PBX3: variants seen among roughly 807,000 people sequenced by gnomAD.
PBX3 encodes PBX homeobox 3, also known as pre-B-cell leukemia transcription factor 3.
A neutral mutation model predicts 48.5 loss-of-function variants in PBX3; 14 were observed. The ratio of observed to expected loss-of-function variants is 0.29; its 90% confidence interval spans 0.19 to 0.45. The LOEUF (loss-of-function observed/expected upper bound fraction) is 0.45, where lower values mean the gene tolerates loss of function less well. Ranked by LOEUF, PBX3 falls within the 20% of genes least tolerant of loss-of-function variation. The probability of loss-of-function intolerance (pLI) is 1.00; values close to 1 mark genes in which losing one functional copy is unlikely to be tolerated. For synonymous variants in PBX3, 210 were observed against 200.3 expected, an observed-to-expected ratio of 1.05 and a Z score of -0.41; for missense variants, 386 against 546.7, an observed-to-expected ratio of 0.71 and a Z score of 2.93.
At chr9:125,956,800 C>T (rs1213049682) in intron 5 of PBX3, among the ~76,000 whole-genome samples, 1 of 152,210 alleles carries the variant, frequency 6.6e-6, no homozygotes, top group Non-Finnish European at 1.5e-5. Context: ...TTTCCCTTCA[C>T]CAGTTTCCTG....
At chr9:125,851,124 T>C (rs769552419) in intron 2 of PBX3, among the ~76,000 whole-genome samples, 13 of 152,096 alleles carry the variant, frequency 8.5e-5, no homozygotes, top group Non-Finnish European at 2.9e-5. Flanking sequence ...CTATTAGATA[T>C]ATTTTTCAGC....
intron 2 of PBX3, among the ~76,000 whole-genome samples, chr9:125,882,054 TA>T (rs968174493): frequency 1.3e-5 from 2 of 151,358 alleles, no homozygotes; most frequent in African/African-American, 4.8e-5. Context: ...AATAAATAAA[TA>T]ATAAAATAAA....
chr9:125,903,058 G>A (rs1451260453), intron 2 of PBX3, among the ~76,000 whole-genome samples: 3 of 151,774 alleles, frequency 2.0e-5, no homozygotes, highest in South Asian at 2.1e-4. Flanking sequence ...AATAACTTCC[G>A]CTTTGTTTAC....
At chr9:125,796,121 G>A (rs1291718336) in intron 2 of PBX3, among the ~76,000 whole-genome samples, 5 of 152,148 alleles carry the variant, frequency 3.3e-5, no homozygotes, top group African/African-American at 1.2e-4. Context: ...AATATGGTTA[G>A]TGTGGGAATA....
At chr9:125,896,401 C>G (rs940111543) in intron 2 of PBX3, among the ~76,000 whole-genome samples, 1 of 152,052 alleles carries the variant, frequency 6.6e-6, no homozygotes, top group Admixed American at 6.6e-5. Flanking sequence ...TACCAGGCAT[C>G]CTTACAGTGG....
rs1055304822 is a variant in PBX3 at position 125,899,933 on chromosome 9, A to C, written c.275-15753A>C. ...AGAGCCCCCCAAAAGTATTTCATTT[A>C]TAAACCAGAGTAATTCTGAATGTTT... On this transcript the variant is annotated intron_variant, in intron 2 of 8. Coordinates refer to ENST00000373489, the MANE Select transcript of PBX3 (RefSeq NM_006195.6). Among the ~76,000 whole-genome samples the C allele has an allele frequency of 2.6e-5, 4 of 151,850 alleles. No individual in the cohort carries two copies. The East Asian group carries it at 7.7e-4, about 29-fold the overall frequency.
rs562159110 is a variant in PBX3, at chr9:125,840,734, G to T, written c.275-74952G>T. Among the ~76,000 whole-genome samples, 14 of 152,102 alleles carry T rather than the reference G, an allele frequency of 9.2e-5. No homozygotes were observed. In the South Asian group the frequency reaches 2.5e-3, roughly 27 times the overall value. On this transcript the variant is annotated intron_variant, in intron 2 of 8. Coordinates refer to ENST00000373489, the MANE Select transcript of PBX3 (RefSeq NM_006195.6). ...TTGGGAAGTCATATATATGAGTAGG[G>T]TGAAGGGCAAAGACTGGAAATGTTT...
intron 2 of PBX3, among the ~76,000 whole-genome samples, chr9:125,780,384 C>G (rs1392274910): frequency 3.7e-4 from 48 of 130,170 alleles, no homozygotes; most frequent in Non-Finnish European, 5.0e-5. Flanking sequence ...CACCTCCCTC[C>G]CAGACGGGGC....
intron 2 of PBX3, among the ~76,000 whole-genome samples, chr9:125,884,180 C>T (rs1045290374): frequency 6.6e-6 from 1 of 152,122 alleles, no homozygotes; most frequent in African/African-American, 2.4e-5. Context: ...TACTAGGATG[C>T]GCAGTATTCA....
chr9:125,789,602 C>T (rs1363559260), intron 2 of PBX3, among the ~76,000 whole-genome samples: 1 of 152,028 alleles, frequency 6.6e-6, no homozygotes, highest in Non-Finnish European at 1.5e-5. Context: ...GTTTTTGTAA[C>T]CTAATCTTGG....
intron 2 of PBX3, among the ~76,000 whole-genome samples, chr9:125,794,757 C>T (rs1837727515): frequency 6.7e-6 from 1 of 149,284 alleles, no homozygotes; most frequent in Non-Finnish European, 1.5e-5. Context: ...AACTCAGAGT[C>T]CTCCTCCCAC....
chr9:125,868,476 G>T (rs933358385), intron 2 of PBX3, among the ~76,000 whole-genome samples: 3 of 152,188 alleles, frequency 2.0e-5, no homozygotes, highest in African/African-American at 7.2e-5. Context: ...CTGAGCCAGC[G>T]TAGTGAAGTA....
chr9:125,960,825 A>T lies in PBX3; in HGVS notation c.985A>T (p.Asn329Tyr). The change falls in exon 6 of 9, where the codon AAT becomes TAT. Residue 329 changes from asparagine to tyrosine, a missense_variant. Asn to Tyr is a moderately radical substitution (Grantham distance 143). This residue lies in a region of PBX3 where 127 missense variants were observed against 143.3 expected (regional missense o/e 0.89). Coordinates refer to ENST00000373489, the MANE Select transcript of PBX3 (RefSeq NM_006195.6). ...AGCAGCTGTGCAGAACAACCAGACCAATTCGCCCACCACACCAAATTCCGG... is the reference window on the plus strand; with the variant it reads ...AGCAGCTGTGCAGAACAACCAGACCTATTCGCCCACCACACCAAATTCCGG... ...VAAAVQNNQT[N>Y]SPTTPNSGSS... 6.2e-7 allele frequency: 1 copy of T among 1,613,938 alleles called. No individual in the cohort carries two copies. The highest frequency in any genetic ancestry group is 8.5e-7 in the Non-Finnish European group (1 of 1,179,862).
chr9:125,867,192 C>T, intron 2 of PBX3, among the ~76,000 whole-genome samples: 1 of 151,824 alleles, frequency 6.6e-6, no homozygotes, highest in Non-Finnish European at 1.5e-5. Context: ...TAGGACCATT[C>T]ACCATAGATG....
chr9:125,758,104 G>A lies in PBX3; in HGVS notation c.274+9481G>A, dbSNP rs149872221. ...TCTTGGTTCTTGACCTTTTGACTGT[G>A]ATCAAGTAGAGATACTGAATGCCTG... On this transcript the variant is annotated intron_variant, in intron 2 of 8. Coordinates refer to ENST00000373489, the MANE Select transcript of PBX3 (RefSeq NM_006195.6). Among the ~76,000 whole-genome samples the A allele has an allele frequency of 1.3e-3, 205 of 152,258 alleles. 1 individual carries two copies. The highest frequency in any genetic ancestry group is 4.8e-3 in the African/African-American group (200 of 41,560).
At chr9:125,828,825 A>G (rs1187152355) in intron 2 of PBX3, among the ~76,000 whole-genome samples, 2 of 152,210 alleles carry the variant, frequency 1.3e-5, no homozygotes, top group African/African-American at 2.4e-5. Context: ...CTTTATTCCT[A>G]TTAAAAGTAT....
chr9:125,894,819 G>A (rs577469546), intron 2 of PBX3, among the ~76,000 whole-genome samples: 1 of 152,152 alleles, frequency 6.6e-6, no homozygotes, highest in South Asian at 2.1e-4. Flanking sequence ...AAGGATATGA[G>A]ACAGCTATAG....
intron 2 of PBX3, among the ~76,000 whole-genome samples, chr9:125,782,512 G>A (rs142265552): frequency 2.6e-5 from 4 of 152,146 alleles, no homozygotes; most frequent in Non-Finnish European, 5.9e-5. Flanking sequence ...ATTTTTATAC[G>A]TGTGTGCTCA....
chr9:125,933,794 T>G (rs1039061288), intron 4 of PBX3, among the ~76,000 whole-genome samples: 1 of 152,170 alleles, frequency 6.6e-6, no homozygotes, highest in African/African-American at 2.4e-5. Context: ...TATGAGCAGG[T>G]AATTACTGTG....
Sources: gnomAD v4.1 joint callset for allele counts (sites outside exome capture counted in the v4.1 genomes callset) on GRCh38, gnomAD v4.1.1 for gene constraint, gnomAD v4.1.1 regional missense constraint, MANE v1.5 for transcripts, NCBI Gene and HGNC (gene_info 2026-07-23, HGNC 2026-07-21) for gene names.